GNS: variants seen among roughly 807,000 people sequenced by gnomAD.
GNS encodes glucosamine (N-acetyl)-6-sulfatase, also known as N-acetylglucosamine-6-sulfatase.
In GNS, 40 loss-of-function variants were observed where a neutral mutation model predicts 69.7. The observed-to-expected ratio is 0.57, with a 90% confidence interval of 0.45 to 0.75. The LOEUF is 0.75. Among genes scored for constraint, GNS ranks in the 30% least tolerant of loss-of-function variants. GNS has a pLI of 0.00. For missense variants in GNS, 565 were observed against 685.5 expected (o/e 0.82, Z 1.96); for synonymous variants, 243 against 251.6 (o/e 0.97, Z 0.32).
Position 64,759,270 on chromosome 12 carries a change from G to T in GNS, c.7C>A (p.Leu3Ile), listed in dbSNP as rs1194864489. The change falls in exon 1 of 14, where the codon CTC becomes ATC. Residue 3 changes from leucine (L) to isoleucine (I), a missense_variant. Coordinates refer to ENST00000258145, the MANE Select transcript of GNS (RefSeq NM_002076.4). ...AGCCGACCTGGGGCTAGAGGCAGGA[G>T]CCGCATAGCGGACAGGCTCCGGGGT... MR[L>I]LPLAPGRLRR... 1 of 1,522,378 alleles carries T rather than the reference G, an allele frequency of 6.6e-7. No individual in the cohort carries two copies. The allele number at this position is 1,522,378 out of a possible 1,614,324, so 94.3% of individuals were successfully genotyped here. A position where few individuals can be genotyped will look rare whatever the true frequency, so the allele number is the denominator to read the frequency against.
intron 1 of GNS, among the ~76,000 whole-genome samples, chr12:64,754,751 T>C (rs1870194833): frequency 6.6e-6 from 1 of 152,018 alleles, no homozygotes. Context: ...TAGCTGGGCA[T>C]GGTAGTGCAT....
intron 10 of GNS, among the ~76,000 whole-genome samples, chr12:64,728,226 G>A (rs950199301): frequency 3.9e-5 from 6 of 152,232 alleles, no homozygotes; most frequent in African/African-American, 9.6e-5. Context: ...GCGCCTGGCC[G>A]ACACTTTAAA....
chr12:64,749,863 T>C (rs1415244657), intron 2 of GNS, among the ~76,000 whole-genome samples: 1 of 149,980 alleles, frequency 6.7e-6, no homozygotes, highest in African/African-American at 2.5e-5. Context: ...TTTTAGCATC[T>C]GGTAGAGCAA....
rs1592491086 is a variant in GNS at position 64,720,119 on chromosome 12, T to C, written c.1483A>G (p.Ile495Val). 6.2e-7 allele frequency: 1 copy of C among 1,605,880 alleles called. No homozygotes were observed. The highest frequency in any genetic ancestry group is 8.5e-7 in the Non-Finnish European group (1 of 1,172,432). The change falls in exon 13 of 14, where the codon ATA (isoleucine) becomes GTA (valine). Residue 495 changes from isoleucine (I) to valine (V), a missense_variant. By Grantham distance (29) the Ile-to-Val change is conservative. Coordinates refer to ENST00000258145, the MANE Select transcript of GNS (RefSeq NM_002076.4). ...PDQITNIAKT[I>V]DPELLGKMNY... is the part of the protein sequence containing the mutation. Reference sequence around the variant, plus strand: ...ATCTTTCCTAAAAGCTCTGGGTCTATGGTTTTAGCAATGTTAGTGATCTGG... The same window carrying C: ...ATCTTTCCTAAAAGCTCTGGGTCTACGGTTTTAGCAATGTTAGTGATCTGG...
At chr12:64,728,205 C>G (rs533112662) in intron 10 of GNS, among the ~76,000 whole-genome samples, 1 of 152,174 alleles carries the variant, frequency 6.6e-6, no homozygotes, top group African/African-American at 2.4e-5. Flanking sequence ...GGATTACAGG[C>G]GTAAGCCACC....
intron 5 of GNS, 151 bp from the exon 6 acceptor site, chr12:64,743,459 T>C (rs1869809123): frequency 1.5e-6 from 1 of 667,510 alleles, no homozygotes; most frequent in African/African-American, 1.8e-5. Flanking sequence ...TTTGCAAGCA[T>C]ATTGTTGGAA....
chr12:64,731,012 C>T (rs1869373634), intron 9 of GNS, among the ~76,000 whole-genome samples: 2 of 152,300 alleles, frequency 1.3e-5, no homozygotes, highest in South Asian at 4.1e-4. Flanking sequence ...CCAAAAATTG[C>T]AAGAGCCACC....
rs1210247666 is a variant in GNS, at chr12:64,732,153, A to ATTTTTTTTTTTTTTTTTTTTTTTTTTTT, written c.1099-3097_1099-3096insAAAAAAAAAAAAAAAAAAAAAAAAAAAA. The stretch of plus-strand genomic sequence containing the variant: ...AGGCACCTGCCACCACACCTGGCTA[A>ATTTTTTTTTTTTTTTTTTTTTTTTTTTT]TTTTTTTTTTTTGTTGTTTTTTTTT... On this transcript the variant is annotated intron_variant, in intron 9 of 13. Coordinates refer to ENST00000258145, the MANE Select transcript of GNS (RefSeq NM_002076.4). 2.3e-5 allele frequency among the ~76,000 whole-genome samples: 2 copies of ATTTTTTTTTTTTTTTTTTTTTTTTTTTT among 88,722 alleles called. 1 individual carries two copies. The highest frequency in any genetic ancestry group is 4.1e-5 in the Non-Finnish European group (2 of 48,560). 58.2% of individuals were successfully genotyped at this position (88,722 alleles called of 152,430 possible).
At position 64,721,637 on chromosome 12, in the gene GNS, T is replaced by C. The variant is rs1454713140; in HGVS notation, c.1377A>G (p.Ser459=). ...NNTYACVRTM[S]ALWNLQYCEF... is the part of the protein sequence containing the mutation. ...CGCAATACTGCAAATTCCACAATGC[T>C]GACATTGTCCTCACACAGGCATAGG... The change falls in exon 12 of 14, where the codon TCA becomes TCG. Residue 459 remains serine (S), a synonymous_variant. Coordinates refer to ENST00000258145, the MANE Select transcript of GNS (RefSeq NM_002076.4). The C allele has an allele frequency of 6.3e-7, 1 of 1,598,494 alleles. No homozygotes were observed. The highest frequency in any genetic ancestry group is 8.6e-7 in the Non-Finnish European group (1 of 1,165,820).
chr12:64,735,557 GTTAAC>G (rs1170631990), intron 9 of GNS, among the ~76,000 whole-genome samples: 1 of 152,172 alleles, frequency 6.6e-6, no homozygotes, highest in East Asian at 1.9e-4. Flanking sequence ...AGATGGCAAT[GTTAAC>G]TTAAAGAAAA....
chr12:64,752,174 C>T (rs917038674), intron 2 of GNS, among the ~76,000 whole-genome samples: 3 of 152,038 alleles, frequency 2.0e-5, no homozygotes, highest in Non-Finnish European at 4.4e-5. Flanking sequence ...CAGTCTGGCT[C>T]CAGAGTCTGA....
chr12:64,724,049 G>C (rs1272877347), intron 10 of GNS, among the ~76,000 whole-genome samples: 4 of 152,194 alleles, frequency 2.6e-5, no homozygotes, highest in African/African-American at 7.2e-5. Context: ...GGAAAGACAG[G>C]AAGACCAGGT....
chr12:64,718,763 T>C (rs1022764603), intron 13 of GNS, among the ~76,000 whole-genome samples: 2 of 152,254 alleles, frequency 1.3e-5, no homozygotes, highest in African/African-American at 4.8e-5. Context: ...AGGGAGTACA[T>C]GGTTAAAAAA....
intron 9 of GNS, among the ~76,000 whole-genome samples, chr12:64,733,331 C>G (rs952821655): frequency 7.3e-6 from 1 of 136,064 alleles, no homozygotes; most frequent in African/African-American, 2.7e-5. Context: ...AAAAAAAATT[C>G]CTGGGGCTTA....
In GNS at chr12:64,744,794, G is replaced by A. The variant is rs1472114631; in HGVS notation, c.624+15C>T. On this transcript the variant is annotated intron_variant, in intron 5 of 13. Coordinates refer to ENST00000258145, the MANE Select transcript of GNS (RefSeq NM_002076.4). ...AACCCTGTAAGGACAGAGCTACAAA[G>A]CTTCTGCAACTCACCAAAACATCTG... 4.1e-6 allele frequency: 5 copies of A among 1,208,630 alleles called. No homozygotes were observed. In the Admixed American group the frequency reaches 6.7e-5, roughly 16 times the overall value. 74.9% of individuals were successfully genotyped at this position (1,208,630 alleles called of 1,614,324 possible).
At chr12:64,720,324 T>A in intron 12 of GNS, 142 bp from the exon 13 acceptor site, 1 of 676,962 alleles carries the variant, frequency 1.5e-6, no homozygotes, top group East Asian at 2.6e-5. Flanking sequence ...ACTCTCAATC[T>A]GTTTTCAAGA....
intron 3 of GNS, 113 bp downstream of exon 3, chr12:64,747,599 A>C (rs1237894580): frequency 1.4e-6 from 1 of 719,412 alleles, no homozygotes; most frequent in Admixed American, 2.2e-5. Flanking sequence ...GATTCACAGA[A>C]AACAACGTAT....
chr12:64,734,680 C>T (rs943492670), intron 9 of GNS, among the ~76,000 whole-genome samples: 13 of 152,232 alleles, frequency 8.5e-5, no homozygotes, highest in African/African-American at 2.9e-4. Flanking sequence ...TCAGGACACT[C>T]TTCCCACAGA....
chr12:64,729,349 C>T (rs1869312703), intron 9 of GNS: 1 of 343,804 alleles, frequency 2.9e-6, no homozygotes, highest in African/African-American at 2.1e-5. Flanking sequence ...TTTGGGACTG[C>T]TTTGAGTTTG....
Sources: allele counts gnomAD v4.1 joint callset (sites outside exome capture counted in the v4.1 genomes callset), GRCh38; gene constraint gnomAD v4.1.1; transcripts MANE v1.5; gene names NCBI Gene and HGNC (gene_info 2026-07-23, HGNC 2026-07-21).